The following MDH1B variants were observed in gnomAD, a reference collection of about 807,000 sequenced individuals.
The protein encoded by MDH1B is malate dehydrogenase 1B.
In MDH1B, 60 loss-of-function variants were observed where a neutral mutation model predicts 61.4. The observed-to-expected ratio is 0.98, with a 90% CI of 0.79 to 1.21. The LOEUF (loss-of-function observed/expected upper bound fraction) is 1.21, where lower values mean the gene tolerates loss of function less well. Among genes scored for constraint, MDH1B ranks in the 50% most tolerant of loss-of-function variants. MDH1B has a pLI of 0.00. For missense variants in MDH1B, 587 were observed against 632.1 expected (o/e 0.93, Z 0.76); for synonymous variants, 236 against 218.7 (o/e 1.08, Z -0.70).
intron 1 of MDH1B, among the ~76,000 whole-genome samples, 195 bp from the exon 2 acceptor site, chr2:206,761,208 A>T (rs186071299): frequency 1.3e-5 from 2 of 152,198 alleles, no homozygotes; most frequent in Non-Finnish European, 2.9e-5. Context: ...ACTTCATAGG[A>T]GGTCAGAATC....
At chr2:206,755,609 A>G in intron 4 of MDH1B, 104 bp from the exon 5 acceptor site, 2 of 1,377,754 alleles carry the variant, frequency 1.5e-6, no homozygotes, top group Non-Finnish European at 1.9e-6. Flanking sequence ...AGGGTGGTTT[A>G]ATATTTAAAT....
rs779426389 is a variant in MDH1B, at chr2:206,755,050, G to A, written c.869C>T (p.Ala290Val). The change falls in exon 5 of 12, where the codon GCG becomes GTG. Residue 290 changes from alanine to valine, a missense_variant. Coordinates refer to ENST00000374412, the MANE Select transcript of MDH1B (RefSeq NM_001039845.3). ...CAGTTTTCTGGCCAGTATGGCTTTC[G>A]CTTCACCTTCCACCCCCAGCGCCAC... ...IAVALGVEGE[A>V]KAILARKLKT... The A allele has an allele frequency of 3.7e-6, 6 of 1,614,030 alleles. No individual in the cohort carries two copies. The highest frequency in any genetic ancestry group is 3.3e-5 in the Admixed American group (2 of 60,016).
At chr2:206,746,481 C>G in intron 7 of MDH1B, 55 bp from the exon 8 acceptor site, 1 of 1,539,426 alleles carries the variant, frequency 6.5e-7, no homozygotes, top group Non-Finnish European at 8.7e-7. Context: ...AAACATGCAC[C>G]TTTTCTGTTA....
chr2:206,756,742 G>A lies in MDH1B; in HGVS notation c.413+156C>T, dbSNP rs75579403. Reference sequence around the variant, plus strand: ...GAGGATACAAACACACACACACAGAGATGCATATGTATATGTGTATACATA... The same window carrying A: ...GAGGATACAAACACACACACACAGAAATGCATATGTATATGTGTATACATA... On this transcript the variant is annotated intron_variant, in intron 4 of 11. Coordinates refer to ENST00000374412, the MANE Select transcript of MDH1B (RefSeq NM_001039845.3). The A allele has an allele frequency of 3.1e-3, 2,078 of 667,984 alleles. 29 individuals carry two copies. The African/African-American group carries it at 0.032, about 10-fold the overall frequency. The allele number at this position is 667,984 out of a possible 1,614,324, so 41.4% of individuals were successfully genotyped here.
At chr2:206,746,642 GTATT>G (rs1688128181) in intron 7 of MDH1B, among the ~76,000 whole-genome samples, 1 of 152,196 alleles carries the variant, frequency 6.6e-6, no homozygotes, top group Admixed American at 6.5e-5. Context: ...TCTGCCATCT[GTATT>G]TATCTGACAT....
chr2:206,749,163 A>G lies in MDH1B; in HGVS notation c.1073T>C (p.Phe358Ser), dbSNP rs1355616089. ...GGTCAAGTTTTTAAGAATTGCCACA[A>G]ATTCTCTTTTTACCCACTCACTGTA... ...IFDSEWVKRE[F>S]VAILKNLTTT... The change falls in exon 7 of 12, where the codon TTT (phenylalanine) becomes TCT (serine). Residue 358 changes from phenylalanine (F) to serine (S), a missense_variant. Transcript: ENST00000374412. 1.9e-6 allele frequency: 3 copies of G among 1,613,998 alleles called. No homozygotes were observed. Among genetic ancestry groups the G allele is most frequent in the Non-Finnish European group, 2.5e-6 (3 of 1,180,002 alleles).
intron 9 of MDH1B, among the ~76,000 whole-genome samples, chr2:206,744,856 C>T (rs1292665592): frequency 1.3e-5 from 2 of 151,864 alleles, no homozygotes; most frequent in South Asian, 2.1e-4. Flanking sequence ...ACCTGGGAGG[C>T]GGGGCTTGTG....
At chr2:206,744,339 A>G (rs191905344) in intron 9 of MDH1B, among the ~76,000 whole-genome samples, 2 of 152,310 alleles carry the variant, frequency 1.3e-5, no homozygotes, top group East Asian at 3.9e-4. Context: ...AGCTCCTAGC[A>G]CTGGCTTATA....
rs190540480 is a variant in MDH1B, at chr2:206,757,021, G to A, written c.290C>T (p.Ser97Phe). ...EHAQLYYDVTSSMTTELMMVI... is the reference protein window; with the variant it reads ...EHAQLYYDVTFSMTTELMMVI... ...CATCATCAGTTCAGTCGTCATGCTA[G>A]AGGTGACATCATAGTAAAGCTAAAT... Residue 97 changes from serine to phenylalanine, a missense_variant, in exon 4 of 12, where the codon TCT (serine) becomes TTT (phenylalanine). Ser to Phe is a radical substitution (Grantham distance 155, BLOSUM62 -2). Transcript: ENST00000374412. 1.8e-4 allele frequency: 284 copies of A among 1,613,702 alleles called. 3 individuals carry two copies. In the Admixed American group the frequency reaches 4.6e-3, roughly 26 times the overall value.
intron 5 of MDH1B, among the ~76,000 whole-genome samples, chr2:206,753,441 C>A (rs570573725): frequency 1.3e-5 from 2 of 152,230 alleles, no homozygotes; most frequent in African/African-American, 4.8e-5. Flanking sequence ...AGCCATGGTA[C>A]CTGGTGACTT....
intron 7 of MDH1B, among the ~76,000 whole-genome samples, chr2:206,746,654 C>T (rs776905011): frequency 6.6e-6 from 1 of 152,186 alleles, no homozygotes; most frequent in Non-Finnish European, 1.5e-5. Context: ...ATTTATCTGA[C>T]ATCCAGAGGC....
At chr2:206,758,800 C>T (rs926575579) in intron 2 of MDH1B, among the ~76,000 whole-genome samples, 31 of 151,390 alleles carry the variant, frequency 2.0e-4, no homozygotes, top group South Asian at 1.7e-3. Flanking sequence ...AACTAGTGAA[C>T]GTGGTACTAT....
chr2:206,758,828 G>A (rs929287671), intron 2 of MDH1B, among the ~76,000 whole-genome samples: 6 of 151,916 alleles, frequency 3.9e-5, no homozygotes, highest in Admixed American at 6.6e-5. Context: ...TAGAAAGCCC[G>A]CCATTCAACC....
At chr2:206,740,445 G>T (rs1195040746) in intron 10 of MDH1B, among the ~76,000 whole-genome samples, 3 of 152,120 alleles carry the variant, frequency 2.0e-5, no homozygotes, top group Non-Finnish European at 4.4e-5. Context: ...TGACTAGGCT[G>T]GGGAGGAGCA....
At chr2:206,751,145 T>C (rs1685420078) in intron 5 of MDH1B, 70 bp from the exon 6 acceptor site, 2 of 1,163,306 alleles carry the variant, frequency 1.7e-6, no homozygotes, top group African/African-American at 3.2e-5. Context: ...CTGAAGCCTA[T>C]TTTTTGTTTG....
At chr2:206,748,978 G>T (rs1367067146) in intron 7 of MDH1B, 42 bp downstream of exon 7, 1 of 1,568,992 alleles carries the variant, frequency 6.4e-7, no homozygotes, top group Admixed American at 1.7e-5. Flanking sequence ...GTTATAGATA[G>T]AGGTTTTAAG....
intron 1 of MDH1B, among the ~76,000 whole-genome samples, chr2:206,764,133 T>C (rs1559354244): frequency 6.6e-6 from 1 of 151,890 alleles, no homozygotes; most frequent in Non-Finnish European, 1.5e-5. Flanking sequence ...ACCCCATCTC[T>C]ACAAAAATAC....
At chr2:206,741,910 A>G (rs1218333912) in intron 9 of MDH1B, among the ~76,000 whole-genome samples, 1 of 152,160 alleles carries the variant, frequency 6.6e-6, no homozygotes, top group Non-Finnish European at 1.5e-5. Context: ...GAGAACACTG[A>G]TAGTCCTTGG....
At chr2:206,757,516 A>G (rs1176212695) in intron 2 of MDH1B, 145 bp from the exon 3 acceptor site, 8 of 611,510 alleles carry the variant, frequency 1.3e-5, no homozygotes, top group Non-Finnish European at 1.8e-5. Context: ...TTCAAAGAGT[A>G]AAATGTAAAT....
Sources: gnomAD v4.1 joint callset for allele counts (sites outside exome capture counted in the v4.1 genomes callset) on GRCh38, gnomAD v4.1.1 for gene constraint, MANE v1.5 for transcripts, NCBI Gene and HGNC (gene_info 2026-07-23, HGNC 2026-07-21) for gene names.